The following EPHA6 variants were observed in gnomAD, a reference collection of about 807,000 sequenced individuals.
The protein encoded by EPHA6 is EPH receptor A6.
Under a neutral mutation model 112.0 loss-of-function variants are expected in EPHA6, and 50 were observed. That is an observed-to-expected ratio of 0.45 (90% confidence interval 0.36 to 0.56). The LOEUF (loss-of-function observed/expected upper bound fraction) is 0.56. Among genes scored for constraint, EPHA6 ranks in the 20% least tolerant of loss-of-function variants. EPHA6 has a pLI of 0.00. For missense variants in EPHA6, 1,280 were observed against 1,417.4 expected (o/e 0.90, Z 1.56); for synonymous variants, 529 against 490.7 (o/e 1.08, Z -1.03).
chr3:96,835,220 T>C (rs2034334663), intron 1 of EPHA6, among the ~76,000 whole-genome samples: 1 of 152,106 alleles, frequency 6.6e-6, no homozygotes, highest in Non-Finnish European at 1.5e-5. Context: ...TGAGTAAATT[T>C]AGTCTTAGTC....
intron 13 of EPHA6, among the ~76,000 whole-genome samples, chr3:97,633,449 T>G (rs927987013): frequency 6.6e-6 from 1 of 152,070 alleles, no homozygotes; most frequent in African/African-American, 2.4e-5. Flanking sequence ...TAATCTTCAG[T>G]AAGAAGCCCC....
At chr3:97,026,611 C>T (rs566266423) in intron 3 of EPHA6, among the ~76,000 whole-genome samples, 2 of 151,548 alleles carry the variant, frequency 1.3e-5, no homozygotes, top group African/African-American at 4.9e-5. Flanking sequence ...GAAGACAACC[C>T]CATAAAAAAT....
Position 97,620,726 on chromosome 3 carries a change from C to G in EPHA6, c.2574+9872C>G, listed in dbSNP as rs529206608. ...AACCACAATGAGTTACCATCTCACACCAGTCAGAATGGCTATTATTAAAAA... is the reference window on the plus strand; with the variant it reads ...AACCACAATGAGTTACCATCTCACAGCAGTCAGAATGGCTATTATTAAAAA... On this transcript the variant is annotated intron_variant, in intron 13 of 17. Transcript: ENST00000389672. 3.9e-5 allele frequency among the ~76,000 whole-genome samples: 6 copies of G among 152,140 alleles called. No individual in the cohort carries two copies. In the East Asian group the frequency reaches 7.7e-4, roughly 20 times the overall value.
intron 5 of EPHA6, among the ~76,000 whole-genome samples, chr3:97,354,634 A>G (rs2083975424): frequency 6.6e-6 from 1 of 152,162 alleles, no homozygotes; most frequent in African/African-American, 2.4e-5. Flanking sequence ...AGGGAAAATC[A>G]AAGAATTATT....
chr3:96,846,362 CGT>C (rs2035073707), intron 1 of EPHA6, among the ~76,000 whole-genome samples: 1 of 151,964 alleles, frequency 6.6e-6, no homozygotes. Flanking sequence ...ATGCAGATTA[CGT>C]GTTTCCACCG....
chr3:97,094,668 A>C (rs1409801050), intron 3 of EPHA6, among the ~76,000 whole-genome samples: 1 of 152,172 alleles, frequency 6.6e-6, no homozygotes, highest in Non-Finnish European at 1.5e-5. Flanking sequence ...TGTCAAGTGT[A>C]TCTCATTCTG....
intron 3 of EPHA6, among the ~76,000 whole-genome samples, chr3:97,168,503 CTT>C (rs1474711213): frequency 2.0e-5 from 3 of 151,992 alleles, no homozygotes; most frequent in African/African-American, 7.2e-5. Flanking sequence ...TCCATGTTCT[CTT>C]TTTCTCTCTC....
At chr3:96,916,246 T>C (rs1258043731) in intron 2 of EPHA6, among the ~76,000 whole-genome samples, 1 of 152,100 alleles carries the variant, frequency 6.6e-6, no homozygotes, top group Non-Finnish European at 1.5e-5. Context: ...GACAGAGCCT[T>C]TGGAAAGTGA....
At chr3:97,299,183 A>ATGTGTGTGTG (rs34282025) in intron 5 of EPHA6, among the ~76,000 whole-genome samples, 7 of 144,512 alleles carry the variant, frequency 4.8e-5, no homozygotes, top group African/African-American at 1.5e-4. Context: ...GATGATCAGG[A>ATGTGTGTGTG]TGTGTGTGTG....
intron 3 of EPHA6, among the ~76,000 whole-genome samples, chr3:97,081,785 T>C (rs2046728285): frequency 6.6e-6 from 1 of 151,502 alleles, no homozygotes; most frequent in Non-Finnish European, 1.5e-5. Context: ...AATAATACAA[T>C]TTTCATGCAT....
At chr3:97,308,890 C>A (rs1420092009) in intron 5 of EPHA6, among the ~76,000 whole-genome samples, 1 of 151,742 alleles carries the variant, frequency 6.6e-6, no homozygotes, top group African/African-American at 2.4e-5. Context: ...CCTTCAGACC[C>A]ATGAGGTCAG....
At chr3:96,839,452 G>T (rs1371920314) in intron 1 of EPHA6, among the ~76,000 whole-genome samples, 1 of 152,078 alleles carries the variant, frequency 6.6e-6, no homozygotes, top group Non-Finnish European at 1.5e-5. Flanking sequence ...TCATCCATGG[G>T]AAAATTGTCT....
chr3:97,598,355 G>C (rs565629770), intron 12 of EPHA6, among the ~76,000 whole-genome samples: 27 of 149,742 alleles, frequency 1.8e-4, no homozygotes, highest in African/African-American at 6.6e-4. Flanking sequence ...ATGCTGGTGC[G>C]CTGCACCCAC....
chr3:97,561,259 T>C (rs982607201), intron 11 of EPHA6, among the ~76,000 whole-genome samples: 1 of 151,948 alleles, frequency 6.6e-6, no homozygotes, highest in Non-Finnish European at 1.5e-5. Context: ...TAAAACTCAG[T>C]GAGGAAAGCG....
intron 2 of EPHA6, among the ~76,000 whole-genome samples, chr3:96,883,700 C>G (rs1416356409): frequency 6.6e-6 from 1 of 152,126 alleles, no homozygotes; most frequent in African/African-American, 2.4e-5. Context: ...GAGTCTCACT[C>G]TGTCACCAAG....
In EPHA6 at chr3:97,128,502, A is replaced by G. The variant is rs76360849; in HGVS notation, c.1115-97762A>G. Among the ~76,000 whole-genome samples, 386 of 152,150 alleles carry G rather than the reference A, an allele frequency of 2.5e-3. 3 individuals are homozygous for G. Among genetic ancestry groups the G allele is most frequent in the African/African-American group, 9.0e-3 (374 of 41,524 alleles). On this transcript the variant is annotated intron_variant, in intron 3 of 17. Coordinates refer to ENST00000389672, the MANE Select transcript of EPHA6 (RefSeq NM_001080448.3). Reference sequence around the variant, plus strand: ...GCATTCTAAACTCTAGACACTGAAAAATGTACATTTTGGGGGATTTTTTTT... The same window carrying G: ...GCATTCTAAACTCTAGACACTGAAAGATGTACATTTTGGGGGATTTTTTTT...
chr3:97,141,895 T>G (rs879604820), intron 3 of EPHA6, among the ~76,000 whole-genome samples: 2 of 152,014 alleles, frequency 1.3e-5, no homozygotes, highest in Non-Finnish European at 2.9e-5. Context: ...AACCCTTTTC[T>G]GATTTGCCCC....
intron 2 of EPHA6, among the ~76,000 whole-genome samples, chr3:96,911,236 A>G (rs958684865): frequency 6.6e-6 from 1 of 152,038 alleles, no homozygotes; most frequent in African/African-American, 2.4e-5. Flanking sequence ...TAAGTTAAAT[A>G]TTTTATTGAA....
chr3:97,424,232 G>C (rs1282231195), intron 6 of EPHA6, among the ~76,000 whole-genome samples: 1 of 152,076 alleles, frequency 6.6e-6, no homozygotes, highest in Non-Finnish European at 1.5e-5. Flanking sequence ...TGGGGAAACT[G>C]TCCCCATGAT....
Sources: gnomAD v4.1 joint callset for allele counts (sites outside exome capture counted in the v4.1 genomes callset) on GRCh38, gnomAD v4.1.1 for gene constraint, MANE v1.5 for transcripts, NCBI Gene and HGNC (gene_info 2026-07-23, HGNC 2026-07-21) for gene names.